Variants in PDE6A observed in about 807,000 individuals in gnomAD.
PDE6A encodes rod cGMP-specific 3',5'-cyclic phosphodiesterase subunit alpha.
In PDE6A, 84 loss-of-function variants were observed where a neutral mutation model predicts 106.3. The observed-to-expected ratio is 0.79, with a 90% confidence interval of 0.66 to 0.95. The LOEUF (loss-of-function observed/expected upper bound fraction) is 0.95. PDE6A is among the 40% of genes least tolerant of loss of function. The pLI, the probability that PDE6A is intolerant of heterozygous loss-of-function variation, is 0.00. For missense variants in PDE6A, 1,052 were observed against 1,084.9 expected (o/e 0.97, Z 0.43); for synonymous variants, 394 against 386.6 (o/e 1.02, Z -0.23).
At chr5:149,887,082 A>G (rs769466273) in intron 13 of PDE6A, among the ~76,000 whole-genome samples, 2 of 152,202 alleles carry the variant, frequency 1.3e-5, no homozygotes, top group African/African-American at 2.4e-5. Context: ...CTGGATGGGG[A>G]AATAACTTGA....
At chr5:149,878,748 G>A (rs540668524) in intron 17 of PDE6A, among the ~76,000 whole-genome samples, 6 of 152,234 alleles carry the variant, frequency 3.9e-5, no homozygotes, top group South Asian at 2.1e-4. Flanking sequence ...TATAATCACC[G>A]TCTTTTCATA....
intron 7 of PDE6A, among the ~76,000 whole-genome samples, chr5:149,904,373 G>C (rs915199454): frequency 2.0e-5 from 3 of 152,200 alleles, no homozygotes; most frequent in African/African-American, 7.2e-5. Flanking sequence ...TATATTGCCA[G>C]ATTCCTCTCC....
At chr5:149,921,290 T>TAGAA (rs761761196) in intron 5 of PDE6A, among the ~76,000 whole-genome samples, 2 of 151,228 alleles carry the variant, frequency 1.3e-5, no homozygotes, top group Non-Finnish European at 2.9e-5. Context: ...GTATAGTGCT[T>TAGAA]AGAAAGAAAG....
At chr5:149,916,476 C>A (rs1484997243) in intron 5 of PDE6A, among the ~76,000 whole-genome samples, 1 of 152,110 alleles carries the variant, frequency 6.6e-6, no homozygotes. Flanking sequence ...TTTGCTGTGT[C>A]GTCACTTCAG....
At chr5:149,932,723 A>G (rs1161907894) in intron 3 of PDE6A, 5 of 1,472,998 alleles carry the variant, frequency 3.4e-6, no homozygotes, top group Admixed American at 1.8e-5. Flanking sequence ...TGTACCAACT[A>G]CTGCTTGCTG....
intron 13 of PDE6A, among the ~76,000 whole-genome samples, chr5:149,893,250 A>G (rs183303552): frequency 6.6e-6 from 1 of 152,286 alleles, no homozygotes; most frequent in East Asian, 1.9e-4. Context: ...TCTCTACCGC[A>G]AAACTTTAGG....
At chr5:149,934,061 A>G in intron 2 of PDE6A, 42 bp from the exon 3 acceptor site, 1 of 1,090,986 alleles carries the variant, frequency 9.2e-7, no homozygotes. Context: ...TGAGAAGAAG[A>G]AATCCATCCT....
chr5:149,867,566 G>T, intron 19 of PDE6A, 159 bp downstream of exon 19: 1 of 713,480 alleles, frequency 1.4e-6, no homozygotes, highest in Non-Finnish European at 2.5e-6. Flanking sequence ...AAGTAATGAG[G>T]TTGACAGTGG....
chr5:149,915,549 G>A (rs2113629720), intron 5 of PDE6A, among the ~76,000 whole-genome samples: 1 of 152,250 alleles, frequency 6.6e-6, no homozygotes, highest in South Asian at 2.1e-4. Context: ...GTCCTCTGCT[G>A]ACCCTCAGAA....
At chr5:149,880,462 G>A (rs1222382871) in intron 17 of PDE6A, among the ~76,000 whole-genome samples, 2 of 152,138 alleles carry the variant, frequency 1.3e-5, no homozygotes, top group Non-Finnish European at 2.9e-5. Context: ...TGTAATCCCA[G>A]CACTTTTAGG....
intron 6 of PDE6A, among the ~76,000 whole-genome samples, chr5:149,914,339 G>A (rs907296879): frequency 1.3e-5 from 2 of 152,036 alleles, no homozygotes; most frequent in African/African-American, 4.8e-5. Flanking sequence ...CATTGGATTT[G>A]GTCAGTGTTG....
chr5:149,942,533 G>T (rs1367062466), intron 1 of PDE6A, among the ~76,000 whole-genome samples: 1 of 152,130 alleles, frequency 6.6e-6, no homozygotes, highest in Non-Finnish European at 1.5e-5. Flanking sequence ...TGGGATGAGA[G>T]ACTGAGGAAA....
At chr5:149,869,822 G>T (rs1347417617) in intron 17 of PDE6A, among the ~76,000 whole-genome samples, 1 of 152,172 alleles carries the variant, frequency 6.6e-6, no homozygotes, top group Non-Finnish European at 1.5e-5. Flanking sequence ...GGCGGGGTGA[G>T]ACCAATGGGC....
rs532054557 is a variant in PDE6A, at chr5:149,880,652, G to A, written c.2135+2777C>T. 4.6e-5 allele frequency among the ~76,000 whole-genome samples: 7 copies of A among 152,210 alleles called. No homozygotes were observed. The South Asian group carries it at 1.5e-3, about 32-fold the overall frequency. ...CCCTTGAACTCGGGAAGTGGAAGTT[G>A]CAGTGAGCCGAGATTGCATTCCATC... On this transcript the variant is annotated intron_variant, in intron 17 of 21. Coordinates refer to ENST00000255266, the MANE Select transcript of PDE6A (RefSeq NM_000440.3).
intron 16 of PDE6A, among the ~76,000 whole-genome samples, chr5:149,884,028 A>G (rs910683347): frequency 3.4e-4 from 51 of 151,888 alleles, no homozygotes; most frequent in African/African-American, 1.2e-3. Flanking sequence ...ACCCATCTTT[A>G]CAGCAAATTA....
chr5:149,941,851 T>C (rs1052148378), intron 1 of PDE6A, among the ~76,000 whole-genome samples: 1 of 152,248 alleles, frequency 6.6e-6, no homozygotes, highest in South Asian at 2.1e-4. Context: ...TATTAGATCA[T>C]GGTGTTGCAT....
At chr5:149,894,664 A>C in intron 13 of PDE6A, among the ~76,000 whole-genome samples, 2 of 121,554 alleles carry the variant, frequency 1.6e-5, no homozygotes, top group African/African-American at 6.9e-5. Flanking sequence ...ACAGAGTCTC[A>C]CTCTGTCACC....
At position 149,860,892 on chromosome 5, in the gene PDE6A, G is replaced by T. The variant is rs1561667487; in HGVS notation, c.*3C>A. 1.9e-6 allele frequency: 3 copies of T among 1,612,530 alleles called. No individual in the cohort carries two copies. Among genetic ancestry groups the T allele is most frequent in the Non-Finnish European group, 2.5e-6 (3 of 1,178,510 alleles). Reference sequence around the variant, plus strand: ...CCGTCCAGCCAGCACATCCCCAGTGGTGTTACTGGATGCAGCAGGACTTGG... The same window carrying T: ...CCGTCCAGCCAGCACATCCCCAGTGTTGTTACTGGATGCAGCAGGACTTGG... On this transcript the variant is annotated 3_prime_UTR_variant, in exon 22 of 22. Transcript: ENST00000255266.
At chr5:149,867,877 A>T in intron 18 of PDE6A, 78 bp from the exon 19 acceptor site, 1 of 1,397,716 alleles carries the variant, frequency 7.2e-7, no homozygotes, top group Non-Finnish European at 1.0e-6. Flanking sequence ...CCCCACTTGC[A>T]ATTCCAAATC....
Sources: gnomAD v4.1 joint callset for allele counts (sites outside exome capture counted in the v4.1 genomes callset) on GRCh38, gnomAD v4.1.1 for gene constraint, MANE v1.5 for transcripts, NCBI Gene and HGNC (gene_info 2026-07-23, HGNC 2026-07-21) for gene names.